The following PRUNE2 variants were observed in gnomAD, a reference collection of about 807,000 sequenced individuals.
The protein encoded by PRUNE2 is protein prune homolog 2.
Under a neutral mutation model 252.0 loss-of-function variants are expected in PRUNE2, and 164 were observed. The observed-to-expected ratio is 0.65, with a 90% CI of 0.57 to 0.74. PRUNE2 has a LOEUF of 0.74. PRUNE2 is among the 30% of genes least tolerant of loss of function. The pLI, the probability that PRUNE2 is intolerant of heterozygous loss-of-function variation, is 0.00. For missense variants in PRUNE2, 3,495 were observed against 3,711.0 expected, an observed-to-expected ratio of 0.94 and a Z score of 1.51; for synonymous variants, 1,292 against 1,350.2, an observed-to-expected ratio of 0.96 and a Z score of 0.94.
chr9:76,767,307 T>C (rs575148015), intron 6 of PRUNE2, among the ~76,000 whole-genome samples: 1 of 152,002 alleles, frequency 6.6e-6, no homozygotes, highest in South Asian at 2.1e-4. Context: ...CAAAATTATC[T>C]GGGCATGGTG....
intron 4 of PRUNE2, among the ~76,000 whole-genome samples, chr9:76,827,156 A>G (rs2058391318): frequency 6.6e-6 from 1 of 152,164 alleles, no homozygotes; most frequent in East Asian, 1.9e-4. Context: ...CACTCATTAT[A>G]TTATTAATTT....
chr9:76,829,562 G>T (rs1284060509), intron 4 of PRUNE2, among the ~76,000 whole-genome samples: 1 of 152,114 alleles, frequency 6.6e-6, no homozygotes, highest in Non-Finnish European at 1.5e-5. Flanking sequence ...GTTTATAGAT[G>T]CTTTTGTACT....
At chr9:76,885,552 C>A (rs370682940) in intron 1 of PRUNE2, among the ~76,000 whole-genome samples, 3 of 152,198 alleles carry the variant, frequency 2.0e-5, no homozygotes, top group African/African-American at 7.2e-5. Flanking sequence ...TACAGAGCAT[C>A]TACTTCCTAC....
intron 9 of PRUNE2, among the ~76,000 whole-genome samples, chr9:76,699,952 G>A (rs182201611): frequency 4.3e-4 from 66 of 152,330 alleles, no homozygotes; most frequent in African/African-American, 1.5e-3. Context: ...CTGTCTTGGG[G>A]AACTGGTATT....
rs529369552 is a variant in PRUNE2 at position 76,847,385 on chromosome 9, G to GA, written c.345-708dup. On this transcript the variant is annotated intron_variant, in intron 3 of 18. Coordinates refer to ENST00000376718, the MANE Select transcript of PRUNE2 (RefSeq NM_015225.3). ...ATAAAATGCACTAAAAATGACACTA[G>GA]AAAATGACACTAGAAAAATCCCCAT... is the stretch of plus-strand genomic sequence containing the variant. 2.6e-4 allele frequency among the ~76,000 whole-genome samples: 39 copies of GA among 149,834 alleles called. 2 individuals are homozygous for GA. In the South Asian group the frequency reaches 8.1e-3, roughly 31 times the overall value.
chr9:76,774,068 T>A (rs2053420029), intron 6 of PRUNE2, among the ~76,000 whole-genome samples: 1 of 152,152 alleles, frequency 6.6e-6, no homozygotes. Context: ...ATAATTAGAT[T>A]ATTTACTTGA....
chr9:76,647,343 G>C (rs988572173), intron 11 of PRUNE2, among the ~76,000 whole-genome samples: 2 of 152,158 alleles, frequency 1.3e-5, no homozygotes, highest in Admixed American at 1.3e-4. Context: ...GTAAAATAAT[G>C]AATCTGGACC....
chr9:76,792,216 T>C (rs538755827), intron 6 of PRUNE2, among the ~76,000 whole-genome samples: 1 of 152,238 alleles, frequency 6.6e-6, no homozygotes, highest in East Asian at 1.9e-4. Flanking sequence ...GTTCTCGTGA[T>C]AGTAAATAAG....
At position 76,666,211 on chromosome 9, in the gene PRUNE2, T is replaced by C. The variant is rs1445279517; in HGVS notation, c.8277-10709A>G. Among the ~76,000 whole-genome samples, 10 of 152,322 alleles carry C rather than the reference T, an allele frequency of 6.6e-5. No individual in the cohort carries two copies. In the East Asian group the frequency reaches 1.9e-3, roughly 30 times the overall value. ...ACCCGTTGCCAAGCGGACCGTGGTC[T>C]AGCGGTAGTGTCAGTGCCAAGGGAA... On this transcript the variant is annotated intron_variant, in intron 9 of 18. Transcript: ENST00000376718.
chr9:76,824,151 G>A (rs76540390), intron 5 of PRUNE2, among the ~76,000 whole-genome samples: 1,807 of 152,166 alleles, frequency 0.012, 27 homozygotes, highest in Middle Eastern at 0.024. Context: ...TCTTCTCCTC[G>A]CCTCCATCCC....
intron 4 of PRUNE2, among the ~76,000 whole-genome samples, chr9:76,843,092 T>G (rs956769681): frequency 6.6e-6 from 1 of 152,082 alleles, no homozygotes; most frequent in Middle Eastern, 3.2e-3. Context: ...AATGATAGAC[T>G]GGATAAAGAA....
chr9:76,749,964 G>A (rs2050471167), intron 6 of PRUNE2, among the ~76,000 whole-genome samples: 1 of 151,980 alleles, frequency 6.6e-6, no homozygotes, highest in Non-Finnish European at 1.5e-5. Context: ...AGAATTTCCC[G>A]GGTGATAGGA....
chr9:76,801,053 A>G (rs149683163), intron 6 of PRUNE2, among the ~76,000 whole-genome samples: 52 of 152,324 alleles, frequency 3.4e-4, no homozygotes, highest in African/African-American at 1.2e-3. Context: ...ACACATGCTC[A>G]CCAACTGCCC....
At chr9:76,756,423 T>C (rs1344461446) in intron 6 of PRUNE2, among the ~76,000 whole-genome samples, 1 of 152,222 alleles carries the variant, frequency 6.6e-6, no homozygotes, top group Non-Finnish European at 1.5e-5. Context: ...GAGCTGCCTG[T>C]ATGGCTCACT....
At chr9:76,837,468 T>TAATAATA (rs2059086495) in intron 4 of PRUNE2, among the ~76,000 whole-genome samples, 1 of 69,964 alleles carries the variant, frequency 1.4e-5, no homozygotes, top group Middle Eastern at 6.2e-3. Context: ...ATAATAATAA[T>TAATAATA]AATAATAATG....
chr9:76,890,300 G>A (rs1369211318), intron 1 of PRUNE2, among the ~76,000 whole-genome samples: 1 of 152,198 alleles, frequency 6.6e-6, no homozygotes, highest in Admixed American at 6.5e-5. Flanking sequence ...CCAAGAGCAG[G>A]CTATGCTGAA....
At chr9:76,693,796 CTA>C (rs1225344967) in intron 9 of PRUNE2, among the ~76,000 whole-genome samples, 2 of 152,090 alleles carry the variant, frequency 1.3e-5, no homozygotes, top group African/African-American at 2.4e-5. Context: ...TGCAAATTTT[CTA>C]TCTTTATTTA....
chr9:76,740,595 A>C (rs1273809458), intron 6 of PRUNE2, among the ~76,000 whole-genome samples: 2 of 152,202 alleles, frequency 1.3e-5, no homozygotes, highest in African/African-American at 4.8e-5. Context: ...GATTGTTTGA[A>C]ATTTGCATTT....
chr9:76,663,251 C>G (rs1006594365), intron 9 of PRUNE2, among the ~76,000 whole-genome samples: 3 of 152,206 alleles, frequency 2.0e-5, no homozygotes, highest in Non-Finnish European at 4.4e-5. Context: ...GTTCGCTAAC[C>G]CAGCTGGGCC....
Sources: allele counts gnomAD v4.1 joint callset (sites outside exome capture counted in the v4.1 genomes callset), GRCh38; gene constraint gnomAD v4.1.1; transcripts MANE v1.5; gene names NCBI Gene and HGNC (gene_info 2026-07-23, HGNC 2026-07-21).